ATP10B: variants seen among roughly 807,000 people sequenced by gnomAD.
ATP10B encodes phospholipid-transporting ATPase VB.
In ATP10B, 122 loss-of-function variants were observed where a neutral mutation model predicts 141.2. The observed-to-expected ratio is 0.86, with a 90% confidence interval of 0.75 to 1.00. The LOEUF is 1.00. Among genes scored for constraint, ATP10B ranks in the 50% least tolerant of loss-of-function variants. ATP10B has a pLI of 0.00. For missense variants in ATP10B, 1,876 were observed against 1,825.3 expected (o/e 1.03, Z -0.51); for synonymous variants, 685 against 692.0 (o/e 0.99, Z 0.16).
chr5:160,808,774 T>C (rs1171108436), intron 1 of ATP10B, among the ~76,000 whole-genome samples: 1 of 152,234 alleles, frequency 6.6e-6, no homozygotes, highest in Non-Finnish European at 1.5e-5. Flanking sequence ...TAAAGAAATG[T>C]ATGCTCACTT....
chr5:160,851,650 G>A (rs1753822733), intron 1 of ATP10B, among the ~76,000 whole-genome samples: 2 of 152,132 alleles, frequency 1.3e-5, no homozygotes. Flanking sequence ...AGGATAGCAG[G>A]ATATATTATT....
chr5:160,566,100 T>C (rs763140357), intron 25 of ATP10B, among the ~76,000 whole-genome samples, 200 bp from the exon 26 acceptor site: 3 of 152,162 alleles, frequency 2.0e-5, no homozygotes, highest in Non-Finnish European at 4.4e-5. Context: ...CTAACATTTA[T>C]TATACACCAG....
chr5:160,656,957 T>C (rs1310633662), intron 7 of ATP10B, among the ~76,000 whole-genome samples: 1 of 152,198 alleles, frequency 6.6e-6, no homozygotes, highest in Non-Finnish European at 1.5e-5. Context: ...TGTGAAACTC[T>C]TGGTGTCTGT....
At chr5:160,793,938 G>A (rs559649177) in intron 1 of ATP10B, among the ~76,000 whole-genome samples, 2 of 152,230 alleles carry the variant, frequency 1.3e-5, no homozygotes, top group East Asian at 3.9e-4. Flanking sequence ...GGAGCACTAC[G>A]CTGTACTATA....
intron 2 of ATP10B, among the ~76,000 whole-genome samples, chr5:160,755,838 A>AATAT (rs1181077522): frequency 4.9e-3 from 220 of 45,360 alleles, no homozygotes; most frequent in Middle Eastern, 0.042. Context: ...AAAAAAAAAA[A>AATAT]ATATATATAT....
chr5:160,792,586 C>A (rs532320091), intron 1 of ATP10B, among the ~76,000 whole-genome samples: 1 of 152,132 alleles, frequency 6.6e-6, no homozygotes, highest in Non-Finnish European at 1.5e-5. Context: ...GTACAGCAGT[C>A]ACCTTGGACC....
chr5:160,815,659 T>C (rs140474815), intron 1 of ATP10B, among the ~76,000 whole-genome samples: 5 of 152,120 alleles, frequency 3.3e-5, no homozygotes, highest in East Asian at 1.9e-4. Context: ...CTGCACCAAG[T>C]GGACCTAATA....
At chr5:160,890,191 A>G in the ATP10B span, among the ~76,000 whole-genome samples, 1 of 152,258 alleles carries the variant, frequency 6.6e-6, no homozygotes, top group African/African-American at 2.4e-5. Context: ...GTAATCTAAT[A>G]GAAGTTTCAT....
intron 2 of ATP10B, among the ~76,000 whole-genome samples, chr5:160,755,848 T>C (rs1267565316): frequency 1.9e-5 from 1 of 51,692 alleles, no homozygotes; most frequent in Non-Finnish European, 3.3e-5. Flanking sequence ...AATATATATA[T>C]ATATATATAT....
the ATP10B span, among the ~76,000 whole-genome samples, chr5:160,865,827 A>G: frequency 6.6e-6 from 1 of 152,150 alleles, no homozygotes; most frequent in African/African-American, 2.4e-5. Context: ...GAACATCACT[A>G]ATTATCAGGG....
chr5:160,602,658 G>A lies in ATP10B; in HGVS notation c.3282C>T (p.Leu1094=). The change falls in exon 21 of 26, where the codon CTC becomes CTT. Residue 1094 remains leucine (L), a synonymous_variant. Transcript: ENST00000327245. ...SDFAITRFKH[L]KKLLLVHGHW... is the part of the protein sequence containing the mutation. ...GGCCATGCACGAGCAGCAACTTCTT[G>A]AGATGCTTAAAGCGGGTGATGGCAA... is the stretch of plus-strand genomic sequence containing the variant. 6.2e-7 allele frequency: 1 copy of A among 1,614,072 alleles called. No individual in the cohort carries two copies. Among genetic ancestry groups the A allele is most frequent in the Non-Finnish European group, 8.5e-7 (1 of 1,179,950 alleles).
the ATP10B span, among the ~76,000 whole-genome samples, chr5:160,890,720 CT>C: frequency 2.7e-5 from 4 of 150,718 alleles, no homozygotes; most frequent in African/African-American, 9.8e-5. Context: ...TTTTTTTTCT[CT>C]TTTATCTTTT....
chr5:160,912,278 A>T, the ATP10B span, among the ~76,000 whole-genome samples: 1 of 152,126 alleles, frequency 6.6e-6, no homozygotes, highest in East Asian at 1.9e-4. Context: ...TGTAATTAGA[A>T]ATATATTAAA....
At chr5:160,656,096 C>T (rs1184275530) in intron 7 of ATP10B, among the ~76,000 whole-genome samples, 1 of 152,150 alleles carries the variant, frequency 6.6e-6, no homozygotes, top group African/African-American at 2.4e-5. Flanking sequence ...TTTTACTTTT[C>T]TAGGCTTATT....
At chr5:160,637,636 T>C (rs1476170228) in intron 10 of ATP10B, among the ~76,000 whole-genome samples, 2 of 152,202 alleles carry the variant, frequency 1.3e-5, no homozygotes, top group Non-Finnish European at 2.9e-5. Context: ...CCAGCACCTG[T>C]TATAGAGCTC....
At chr5:160,595,631 T>A (rs1268257095) in intron 22 of ATP10B, among the ~76,000 whole-genome samples, 2 of 151,662 alleles carry the variant, frequency 1.3e-5, no homozygotes. Flanking sequence ...TCAACAAAAT[T>A]GAGAGACTGC....
At chr5:160,815,204 G>C (rs1581585712) in intron 1 of ATP10B, among the ~76,000 whole-genome samples, 1 of 152,142 alleles carries the variant, frequency 6.6e-6, no homozygotes, top group Non-Finnish European at 1.5e-5. Flanking sequence ...ATTGGATAAA[G>C]AGTCAAGACC....
chr5:160,927,031 A>G, the ATP10B span, among the ~76,000 whole-genome samples: 1 of 152,216 alleles, frequency 6.6e-6, no homozygotes, highest in African/African-American at 2.4e-5. Flanking sequence ...CTCACATGCT[A>G]TAGAGAACAG....
chr5:160,878,001 A>G, the ATP10B span, among the ~76,000 whole-genome samples: 1 of 152,054 alleles, frequency 6.6e-6, no homozygotes, highest in African/African-American at 2.4e-5. Flanking sequence ...CAAGCTACCA[A>G]TGATTTTCTT....
Sources: gnomAD v4.1 joint callset for allele counts (sites outside exome capture counted in the v4.1 genomes callset) on GRCh38, gnomAD v4.1.1 for gene constraint, MANE v1.5 for transcripts, NCBI Gene and HGNC (gene_info 2026-07-23, HGNC 2026-07-21) for gene names.